LMX1A: variants seen among roughly 807,000 people sequenced by gnomAD.
The protein encoded by LMX1A is LIM homeobox transcription factor 1-alpha.
LMX1A carries 15 observed loss-of-function variants against 49.1 expected under a neutral mutation model. The ratio of observed to expected loss-of-function variants is 0.31; its 90% CI spans 0.20 to 0.47. The LOEUF is 0.47. Among genes scored for constraint, LMX1A ranks in the 20% least tolerant of loss-of-function variants. The pLI is 1.00. For missense variants in LMX1A, 372 were observed against 475.8 expected (o/e 0.78, Z 2.03); for synonymous variants, 167 against 185.7 (o/e 0.90, Z 0.82).
chr1:165,262,478 C>T (rs1571187174), intron 3 of LMX1A, among the ~76,000 whole-genome samples: 1 of 152,130 alleles, frequency 6.6e-6, no homozygotes, highest in African/African-American at 2.4e-5. Flanking sequence ...ACTCCCTCTT[C>T]GTGAGAAAAA....
At chr1:165,246,759 A>G (rs2102634593) in intron 4 of LMX1A, among the ~76,000 whole-genome samples, 1 of 113,962 alleles carries the variant, frequency 8.8e-6, no homozygotes, top group South Asian at 2.4e-4. Flanking sequence ...AAACATACAC[A>G]ATTCCTTCAT....
chr1:165,347,245 T>C (rs1194023800), intron 3 of LMX1A, among the ~76,000 whole-genome samples: 2 of 152,188 alleles, frequency 1.3e-5, no homozygotes, highest in Non-Finnish European at 2.9e-5. Flanking sequence ...TCCAGAACCT[T>C]TTCTACACTT....
chr1:165,248,609 G>A (rs1329808389), intron 4 of LMX1A, among the ~76,000 whole-genome samples: 1 of 152,188 alleles, frequency 6.6e-6, no homozygotes, highest in African/African-American at 2.4e-5. Flanking sequence ...GGCAGTAAGA[G>A]GGAGGGTCGA....
chr1:165,205,423 T>C (rs183864398), intron 8 of LMX1A, among the ~76,000 whole-genome samples: 1 of 152,316 alleles, frequency 6.6e-6, no homozygotes, highest in East Asian at 1.9e-4. Flanking sequence ...CTAGTTAAAT[T>C]AGAGCACCTA....
At chr1:165,342,897 C>T (rs1050187585) in intron 3 of LMX1A, among the ~76,000 whole-genome samples, 3 of 151,926 alleles carry the variant, frequency 2.0e-5, no homozygotes, top group Non-Finnish European at 4.4e-5. Flanking sequence ...GAGTTAGAGG[C>T]TGGGGACAGC....
chr1:165,354,186 C>T (rs1656522906), intron 2 of LMX1A, among the ~76,000 whole-genome samples: 1 of 152,084 alleles, frequency 6.6e-6, no homozygotes, highest in Admixed American at 6.6e-5. Context: ...TTGCCCTTGT[C>T]CCCCCAGTAC....
At chr1:165,254,748 C>T (rs932475169) in intron 3 of LMX1A, among the ~76,000 whole-genome samples, 2 of 152,214 alleles carry the variant, frequency 1.3e-5, no homozygotes, top group Non-Finnish European at 2.9e-5. Context: ...ACTTCCCCCA[C>T]TGAATGCTAA....
intron 3 of LMX1A, among the ~76,000 whole-genome samples, chr1:165,334,158 T>C (rs991373665): frequency 6.6e-6 from 1 of 152,110 alleles, no homozygotes; most frequent in Non-Finnish European, 1.5e-5. Flanking sequence ...AAGATTGAGT[T>C]AGTATGAGTC....
intron 4 of LMX1A, among the ~76,000 whole-genome samples, chr1:165,222,399 C>A (rs1027291381): frequency 6.6e-6 from 1 of 152,156 alleles, no homozygotes; most frequent in Non-Finnish European, 1.5e-5. Flanking sequence ...GTGTGTTTGT[C>A]CTAATTTGGG....
chr1:165,319,811 A>C (rs1414101537), intron 3 of LMX1A, among the ~76,000 whole-genome samples: 1 of 152,208 alleles, frequency 6.6e-6, no homozygotes, highest in Non-Finnish European at 1.5e-5. Flanking sequence ...GTAATCTGTA[A>C]ATAGTGGGAT....
chr1:165,240,437 G>A (rs1652608790), intron 4 of LMX1A, among the ~76,000 whole-genome samples: 1 of 151,978 alleles, frequency 6.6e-6, no homozygotes. Context: ...TCACAAAGCT[G>A]GCCCCTGTTC....
At chr1:165,285,543 A>T (rs1405283771) in intron 3 of LMX1A, among the ~76,000 whole-genome samples, 1 of 152,212 alleles carries the variant, frequency 6.6e-6, no homozygotes, top group African/African-American at 2.4e-5. Context: ...AGAAAACAAG[A>T]GAAGCCTTCA....
Position 165,249,524 on chromosome 1 carries a change from C to T in LMX1A, c.380G>A (p.Arg127Gln), listed in dbSNP as rs150222420. The T allele has an allele frequency of 2.5e-6, 4 of 1,614,010 alleles. No individual in the cohort carries two copies. The highest frequency in any genetic ancestry group is 3.4e-6 in the Non-Finnish European group (4 of 1,180,010). The change falls in exon 4 of 9, where the codon CGA becomes CAA. Residue 127 changes from arginine (R) to glutamine (Q), a missense_variant. Physicochemically the swap from Arg to Gln is conservative, Grantham distance 43. Coordinates refer to ENST00000342310, the MANE Select transcript of LMX1A (RefSeq NM_177398.4). Reference protein sequence around the residue: ...LSCFCCCVCERQLQKGDEFVL... With the variant: ...LSCFCCCVCEQQLQKGDEFVL... ...AAACTCATCACCCTTCTGAAGCTGT[C>T]GCTCGCAGACACAGCAGCAGAAGCA... is the stretch of plus-strand genomic sequence containing the variant.
At chr1:165,258,418 G>A (rs534274924) in intron 3 of LMX1A, among the ~76,000 whole-genome samples, 2 of 152,294 alleles carry the variant, frequency 1.3e-5, no homozygotes, top group South Asian at 4.2e-4. Flanking sequence ...CTGAGCACAT[G>A]GTCCTGGGGT....
intron 3 of LMX1A, among the ~76,000 whole-genome samples, chr1:165,331,666 C>T (rs1655747440): frequency 6.6e-6 from 1 of 152,208 alleles, no homozygotes; most frequent in African/African-American, 2.4e-5. Flanking sequence ...CCTGTAATCC[C>T]AGCATTTTGG....
intron 3 of LMX1A, among the ~76,000 whole-genome samples, chr1:165,302,970 A>C (rs1654820499): frequency 6.6e-6 from 1 of 152,156 alleles, no homozygotes; most frequent in Non-Finnish European, 1.5e-5. Flanking sequence ...CTTGCTCCAC[A>C]CTACTCCCTT....
intron 3 of LMX1A, among the ~76,000 whole-genome samples, chr1:165,335,366 G>T (rs894054971): frequency 1.3e-5 from 2 of 152,124 alleles, no homozygotes; most frequent in South Asian, 2.1e-4. Context: ...AAATGTGAGT[G>T]TATGTCCATT....
At chr1:165,333,283 G>A (rs1212987060) in intron 3 of LMX1A, among the ~76,000 whole-genome samples, 3 of 152,086 alleles carry the variant, frequency 2.0e-5, no homozygotes, top group Non-Finnish European at 4.4e-5. Flanking sequence ...TCGGCCTCCC[G>A]AGTAGCTGGG....
intron 3 of LMX1A, among the ~76,000 whole-genome samples, chr1:165,293,863 A>T (rs147857947): frequency 1.6e-4 from 24 of 152,080 alleles, no homozygotes; most frequent in African/African-American, 5.8e-4. Flanking sequence ...CAAAGCCTCC[A>T]CCTCCTAATA....
Sources: gnomAD v4.1 joint callset for allele counts (sites outside exome capture counted in the v4.1 genomes callset) on GRCh38, gnomAD v4.1.1 for gene constraint, MANE v1.5 for transcripts, NCBI Gene and HGNC (gene_info 2026-07-23, HGNC 2026-07-21) for gene names.